The following PLAC8 variants were observed in gnomAD, a reference collection of about 807,000 sequenced individuals.
PLAC8 encodes the protein placenta associated 8.
In PLAC8, 6 loss-of-function variants were observed where a neutral mutation model predicts 12.6. That is an observed-to-expected ratio of 0.48 (90% CI 0.26 to 0.94). PLAC8 has a LOEUF of 0.94. Ranked by LOEUF, PLAC8 falls within the 40% of genes least tolerant of loss-of-function variation. The pLI is 0.14. For missense variants in PLAC8, 122 were observed against 152.7 expected (o/e 0.80, Z 1.06); for synonymous variants, 54 against 52.6 (o/e 1.03, Z -0.11).
chr4:83,095,325 CTA>C (rs1198100698), intron 3 of PLAC8, among the ~76,000 whole-genome samples: 1 of 152,114 alleles, frequency 6.6e-6, no homozygotes, highest in East Asian at 1.9e-4. Context: ...GATAAAACAT[CTA>C]TGTGTTGAAG....
At chr4:83,091,317 C>T (rs1049186288) in intron 4 of PLAC8, among the ~76,000 whole-genome samples, 8 of 152,208 alleles carry the variant, frequency 5.3e-5, no homozygotes, top group African/African-American at 1.9e-4. Flanking sequence ...TAAACTGTGA[C>T]TGTTTCTCAG....
intron 1 of PLAC8, among the ~76,000 whole-genome samples, chr4:83,110,475 T>G (rs1732399863): frequency 6.6e-6 from 1 of 152,210 alleles, no homozygotes; most frequent in Non-Finnish European, 1.5e-5. Flanking sequence ...TCCCCAACAC[T>G]GAGGGTAAGC....
At chr4:83,113,789 T>G (rs1732475507) in intron 1 of PLAC8, among the ~76,000 whole-genome samples, 1 of 152,184 alleles carries the variant, frequency 6.6e-6, no homozygotes, top group African/African-American at 2.4e-5. Flanking sequence ...TAGGAAGTTC[T>G]GTGGAATGGT....
At chr4:83,112,266 G>A (rs1443715244) in intron 1 of PLAC8, among the ~76,000 whole-genome samples, 2 of 148,538 alleles carry the variant, frequency 1.3e-5, no homozygotes, top group Admixed American at 1.3e-4. Flanking sequence ...ATATCCATAT[G>A]CTAACTGCCA....
At chr4:83,103,487 G>C (rs1045129390) in intron 3 of PLAC8, among the ~76,000 whole-genome samples, 1 of 152,160 alleles carries the variant, frequency 6.6e-6, no homozygotes, top group South Asian at 2.1e-4. Context: ...AACAACAAAG[G>C]ATTGAGAATA....
chr4:83,103,522 C>T lies in PLAC8; in HGVS notation c.243+1374G>A, dbSNP rs190816432. Reference sequence around the variant, plus strand: ...ATTCCATAAGCTTAGTTGATAAAGCCGTAACAGGGTTTGAGAGGACTGAAT... The same window carrying T: ...ATTCCATAAGCTTAGTTGATAAAGCTGTAACAGGGTTTGAGAGGACTGAAT... On this transcript the variant is annotated intron_variant, in intron 3 of 4. Transcript: ENST00000311507. Among the ~76,000 whole-genome samples, 44 of 152,218 alleles carry T rather than the reference C, an allele frequency of 2.9e-4. No individual in the cohort carries two copies. In the East Asian group the frequency reaches 7.9e-3, roughly 27 times the overall value.
intron 1 of PLAC8, among the ~76,000 whole-genome samples, chr4:83,110,018 G>C (rs1732369390): frequency 6.6e-6 from 1 of 152,110 alleles, no homozygotes; most frequent in South Asian, 2.1e-4. Context: ...TGGGGACTCG[G>C]CGTGAACCGG....
chr4:83,101,442 G>C (rs1338814181), intron 3 of PLAC8, among the ~76,000 whole-genome samples: 1 of 152,196 alleles, frequency 6.6e-6, no homozygotes, highest in East Asian at 1.9e-4. Context: ...GAAGCTAAAA[G>C]AGGTTGCTTC....
At chr4:83,106,428 C>T (rs571517912) in intron 2 of PLAC8, among the ~76,000 whole-genome samples, 72 of 151,558 alleles carry the variant, frequency 4.8e-4, no homozygotes, top group Non-Finnish European at 8.9e-4. Flanking sequence ...GACCGGCCTG[C>T]CCAACACGAT....
chr4:83,110,508 T>C (rs1732400601), intron 1 of PLAC8, among the ~76,000 whole-genome samples: 1 of 152,252 alleles, frequency 6.6e-6, no homozygotes, highest in Admixed American at 6.5e-5. Context: ...GGGGATTTTG[T>C]GGGCCAAGTT....
At chr4:83,102,686 A>G (rs1732132815) in intron 3 of PLAC8, among the ~76,000 whole-genome samples, 1 of 152,254 alleles carries the variant, frequency 6.6e-6, no homozygotes, top group Admixed American at 6.5e-5. Flanking sequence ...CAGATGTGGT[A>G]GAAATAGCAA....
intron 1 of PLAC8, among the ~76,000 whole-genome samples, chr4:83,112,619 A>G (rs1161499845): frequency 6.6e-6 from 1 of 152,212 alleles, no homozygotes; most frequent in Non-Finnish European, 1.5e-5. Context: ...AGCTGATTCT[A>G]AAAAGGGTCT....
intron 1 of PLAC8, among the ~76,000 whole-genome samples, chr4:83,108,959 G>A (rs958200274): frequency 1.1e-4 from 16 of 152,066 alleles, no homozygotes; most frequent in Admixed American, 3.9e-4. Flanking sequence ...CTGTGTCAGC[G>A]CTGGCCTGAC....
intron 1 of PLAC8, among the ~76,000 whole-genome samples, chr4:83,113,982 T>C (rs1255684069): frequency 1.3e-5 from 2 of 150,552 alleles, no homozygotes; most frequent in Non-Finnish European, 3.0e-5. Flanking sequence ...ATTATAGTAA[T>C]ATTAATACAT....
At chr4:83,110,355 C>T (rs1173937932) in intron 1 of PLAC8, among the ~76,000 whole-genome samples, 4 of 151,438 alleles carry the variant, frequency 2.6e-5, no homozygotes, top group African/African-American at 9.7e-5. Flanking sequence ...TAGACACACT[C>T]ATGCCGCCAA....
rs143185659 is a variant in PLAC8, at chr4:83,110,476, G to A, written c.-29-2526C>T. Among the ~76,000 whole-genome samples, 462 of 152,322 alleles carry A rather than the reference G, an allele frequency of 3.0e-3. 4 individuals are homozygous for A. Among genetic ancestry groups the A allele is most frequent in the African/African-American group, 0.011 (451 of 41,580 alleles). ...AAGTAAGTCCCAAATCCCCAACACT[G>A]AGGGTAAGCTCCACAAAGGCAGGGG... On this transcript the variant is annotated intron_variant, in intron 1 of 4. Transcript: ENST00000311507.
Position 83,107,864 on chromosome 4 carries a change from C to A in PLAC8, c.58G>T (p.Ala20Ser). 6.2e-6 allele frequency: 10 copies of A among 1,603,216 alleles called. No homozygotes were observed. The highest frequency in any genetic ancestry group is 6.8e-6 in the Non-Finnish European group (8 of 1,173,924). The change falls in exon 2 of 5, where the codon GCC becomes TCC. Residue 20 changes from alanine to serine, a missense_variant. Transcript: ENST00000311507. ...VTQPGVGPGPAPQNSNWQTGM... is the reference protein window; with the variant it reads ...VTQPGVGPGPSPQNSNWQTGM... ...GTCTGCCAGTTGGAGTTCTGGGGGG[C>A]CGGACCGGGACCGACTCCAGGTTGG...
intron 3 of PLAC8, among the ~76,000 whole-genome samples, chr4:83,096,671 C>T (rs1003614157): frequency 6.6e-6 from 1 of 152,134 alleles, no homozygotes; most frequent in Admixed American, 6.5e-5. Context: ...CAGCTATGGA[C>T]ATAGACATAT....
At chr4:83,110,727 G>A (rs565600516) in intron 1 of PLAC8, among the ~76,000 whole-genome samples, 14 of 152,368 alleles carry the variant, frequency 9.2e-5, no homozygotes, top group South Asian at 2.1e-4. Flanking sequence ...CTCCACAGGT[G>A]GGGACCAGAT....
Sources: allele counts gnomAD v4.1 joint callset (sites outside exome capture counted in the v4.1 genomes callset), GRCh38; gene constraint gnomAD v4.1.1; transcripts MANE v1.5; gene names NCBI Gene and HGNC (gene_info 2026-07-23, HGNC 2026-07-21).